MPPED1: variants seen among roughly 807,000 people sequenced by gnomAD.
MPPED1 encodes the protein metallophosphoesterase domain containing 1, also known as metallophosphoesterase domain-containing protein 1.
Under a neutral mutation model 36.2 loss-of-function variants are expected in MPPED1, and 16 were observed. That is an observed-to-expected ratio of 0.44 (90% CI 0.30 to 0.67). MPPED1 has a LOEUF of 0.67. Ranked by LOEUF, MPPED1 falls within the 30% of genes least tolerant of loss-of-function variation. The probability of loss-of-function intolerance (pLI) is 0.10; values close to 1 mark genes in which losing one functional copy is unlikely to be tolerated. For missense variants in MPPED1, 307 were observed against 453.4 expected, an observed-to-expected ratio of 0.68 and a Z score of 2.93; for synonymous variants, 199 against 191.3, an observed-to-expected ratio of 1.04 and a Z score of -0.33.
chr22:43,413,115 G>A (rs1054714660), intron 1 of MPPED1, among the ~76,000 whole-genome samples: 3 of 152,164 alleles, frequency 2.0e-5, no homozygotes. Context: ...GGGCTGGCCT[G>A]GCTCCCAGCT....
chr22:43,463,340 T>C (rs560407747), intron 3 of MPPED1, among the ~76,000 whole-genome samples: 10 of 149,952 alleles, frequency 6.7e-5, no homozygotes, highest in Middle Eastern at 6.8e-3. Flanking sequence ...TCTTTTTTTT[T>C]TTTTTTTTTG....
chr22:43,495,519 TGGA>T (rs1569088723), intron 4 of MPPED1, among the ~76,000 whole-genome samples: 42 of 81,316 alleles, frequency 5.2e-4, no homozygotes, highest in African/African-American at 9.8e-4. Context: ...GTGGTGGTGG[TGGA>T]GGTGGTGGTG....
intron 4 of MPPED1, among the ~76,000 whole-genome samples, chr22:43,475,520 T>G (rs1182322620): frequency 0.14 from 165 of 1,218 alleles, no homozygotes; most frequent in African/African-American, 0.17. Context: ...TGATGATGGT[T>G]GTGGTGGTGG....
chr22:43,429,011 C>A (rs1019069171), intron 2 of MPPED1, among the ~76,000 whole-genome samples: 1 of 152,106 alleles, frequency 6.6e-6, no homozygotes, highest in Non-Finnish European at 1.5e-5. Context: ...CTTTAAAAGT[C>A]GTTATGGCAG....
intron 4 of MPPED1, among the ~76,000 whole-genome samples, chr22:43,483,177 C>T (rs1295240959): frequency 6.6e-6 from 1 of 152,230 alleles, no homozygotes. Flanking sequence ...TTCTTTCTAA[C>T]TTGATAAATA....
chr22:43,434,306 A>C (rs1171415760), intron 2 of MPPED1, among the ~76,000 whole-genome samples: 3 of 152,218 alleles, frequency 2.0e-5, no homozygotes, highest in African/African-American at 2.4e-5. Flanking sequence ...AAATGATCAC[A>C]CTGTCTTACG....
intron 2 of MPPED1, among the ~76,000 whole-genome samples, chr22:43,426,919 C>T (rs892386803): frequency 1.4e-4 from 22 of 152,230 alleles, no homozygotes; most frequent in South Asian, 2.1e-4. Flanking sequence ...TCAGGCTTGC[C>T]GCTCCTCGGT....
intron 4 of MPPED1, among the ~76,000 whole-genome samples, chr22:43,483,205 A>G (rs1931803747): frequency 6.6e-6 from 1 of 152,222 alleles, no homozygotes; most frequent in South Asian, 2.1e-4. Context: ...TAGAGAAAAA[A>G]CGAGACAGGT....
chr22:43,442,281 C>T (rs962744065), intron 3 of MPPED1, among the ~76,000 whole-genome samples: 3 of 151,976 alleles, frequency 2.0e-5, no homozygotes, highest in African/African-American at 7.3e-5. Flanking sequence ...TTATTTTTCC[C>T]CTCCCTTCTT....
chr22:43,447,884 T>TACA (rs1491157280), intron 3 of MPPED1, among the ~76,000 whole-genome samples: 2 of 46,244 alleles, frequency 4.3e-5, no homozygotes, highest in Non-Finnish European at 7.6e-5. Context: ...TATATATATA[T>TACA]TTTTTTTTTT....
chr22:43,488,301 A>G (rs1274907828), intron 4 of MPPED1, among the ~76,000 whole-genome samples: 2 of 152,064 alleles, frequency 1.3e-5, no homozygotes, highest in East Asian at 3.9e-4. Flanking sequence ...GGATGGCTGT[A>G]CTCCAGGGTG....
chr22:43,445,493 G>C (rs998862964), intron 3 of MPPED1, among the ~76,000 whole-genome samples: 2 of 151,188 alleles, frequency 1.3e-5, no homozygotes, highest in African/African-American at 2.4e-5. Flanking sequence ...TGAAGAACCT[G>C]AGGACACACG....
At chr22:43,432,220 G>GAGAGAGAGAGACAA (rs71186588) in intron 2 of MPPED1, among the ~76,000 whole-genome samples, 2,236 of 150,998 alleles carry the variant, frequency 0.015, 61 homozygotes, top group African/African-American at 0.052. Context: ...GAGAGAGAGA[G>GAGAGAGAGAGACAA]ACACAGAGAG....
chr22:43,475,345 C>A (rs1931510018), intron 4 of MPPED1, among the ~76,000 whole-genome samples: 1 of 151,600 alleles, frequency 6.6e-6, no homozygotes, highest in Admixed American at 6.6e-5. Flanking sequence ...TCCAGAACCC[C>A]TGCCTTTAAT....
intron 2 of MPPED1, among the ~76,000 whole-genome samples, chr22:43,428,199 G>A (rs547176505): frequency 5.9e-5 from 9 of 152,292 alleles, no homozygotes; most frequent in African/African-American, 2.2e-4. Context: ...TGGGGAGCTG[G>A]AGCAGGCCCC....
At chr22:43,443,866 C>G (rs952167220) in intron 3 of MPPED1, among the ~76,000 whole-genome samples, 2 of 152,078 alleles carry the variant, frequency 1.3e-5, no homozygotes, top group African/African-American at 4.8e-5. Flanking sequence ...CCTCTTGTCA[C>G]CTCCGGCACT....
At chr22:43,454,381 T>G (rs1449756547) in intron 3 of MPPED1, among the ~76,000 whole-genome samples, 3 of 152,184 alleles carry the variant, frequency 2.0e-5, no homozygotes, top group Non-Finnish European at 2.9e-5. Flanking sequence ...CTTGGTTCAC[T>G]GCAGCCTTGA....
At chr22:43,500,326 T>TGATGGA (rs1932673999) in intron 5 of MPPED1, among the ~76,000 whole-genome samples, 1 of 117,662 alleles carries the variant, frequency 8.5e-6, no homozygotes. Context: ...GTGGTGATGG[T>TGATGGA]GGTGGTGGAG....
intron 5 of MPPED1, among the ~76,000 whole-genome samples, chr22:43,501,646 G>A (rs1932738828): frequency 6.6e-6 from 1 of 152,136 alleles, no homozygotes; most frequent in African/African-American, 2.4e-5. Flanking sequence ...TGCATGGTGG[G>A]ATCCCAGTGC....
Sources: allele counts gnomAD v4.1 joint callset (sites outside exome capture counted in the v4.1 genomes callset), GRCh38; gene constraint gnomAD v4.1.1; transcripts MANE v1.5; gene names NCBI Gene and HGNC (gene_info 2026-07-23, HGNC 2026-07-21).